Variants in ELP4 observed in about 807,000 individuals in gnomAD.
The protein encoded by ELP4 is elongator complex protein 4.
A neutral mutation model predicts 48.9 loss-of-function variants in ELP4; 51 were observed. The observed-to-expected ratio is 1.04, with a 90% CI of 0.83 to 1.32. The LOEUF (loss-of-function observed/expected upper bound fraction) is 1.32. Among genes scored for constraint, ELP4 ranks in the 40% most tolerant of loss-of-function variants. ELP4 has a pLI of 0.00. For synonymous variants in ELP4, 210 were observed against 189.2 expected (o/e 1.11, Z -0.90); for missense variants, 519 against 514.6 (o/e 1.01, Z -0.08).
chr11:31,606,949 G>A (rs573667195), intron 5 of ELP4, among the ~76,000 whole-genome samples: 16 of 152,282 alleles, frequency 1.1e-4, no homozygotes, highest in Non-Finnish European at 2.1e-4. Context: ...ATGATGTTTG[G>A]AGATGGGGCC....
chr11:31,723,050 A>G (rs1947001562), intron 9 of ELP4, among the ~76,000 whole-genome samples: 1 of 152,054 alleles, frequency 6.6e-6, no homozygotes, highest in African/African-American at 2.4e-5. Flanking sequence ...CAAGAAGCTT[A>G]CCCCTGCCCA....
At chr11:31,555,382 T>C (rs547925496) in intron 3 of ELP4, among the ~76,000 whole-genome samples, 1 of 152,228 alleles carries the variant, frequency 6.6e-6, no homozygotes, top group African/African-American at 2.4e-5. Flanking sequence ...GGTTTTGGAC[T>C]TAATACAGTC....
At chr11:31,742,167 G>C (rs1001105840) in intron 9 of ELP4, among the ~76,000 whole-genome samples, 1 of 152,124 alleles carries the variant, frequency 6.6e-6, no homozygotes, top group African/African-American at 2.4e-5. Flanking sequence ...TGAAATGAAT[G>C]AAATGAAGCG....
At chr11:31,573,486 A>G (rs1957218896) in intron 3 of ELP4, 1 of 152,168 alleles carries the variant, frequency 6.6e-6, no homozygotes, top group Non-Finnish European at 1.5e-5. Context: ...GAAGTCCAAG[A>G]TCAAGGTTTC....
intron 9 of ELP4, among the ~76,000 whole-genome samples, chr11:31,692,571 T>G (rs531947919): frequency 3.9e-5 from 6 of 152,300 alleles, no homozygotes; most frequent in African/African-American, 1.4e-4. Context: ...TTGACTCTAC[T>G]TCTTGCTCCA....
intron 3 of ELP4, among the ~76,000 whole-genome samples, chr11:31,563,231 A>G (rs907398390): frequency 2.0e-5 from 3 of 152,170 alleles, no homozygotes; most frequent in African/African-American, 7.2e-5. Context: ...CTGAATTGTA[A>G]AATAGCTTAG....
intron 9 of ELP4, among the ~76,000 whole-genome samples, chr11:31,746,883 TATA>T (rs751181055): frequency 1.2e-4 from 18 of 151,388 alleles, no homozygotes; most frequent in African/African-American, 3.4e-4. Flanking sequence ...AAACTTAAAG[TATA>T]ATAATAATAA....
At position 31,625,831 on chromosome 11, in the gene ELP4, G is replaced by C. The variant is rs185231082; in HGVS notation, c.654-1279G>C. ...TCTAGCAGGGATAGATGTGTGTTAA[G>C]ATATGAAATAGTCACAAAATTGCCC... On this transcript the variant is annotated intron_variant, in intron 5 of 9. Coordinates refer to ENST00000640961, the MANE Select transcript of ELP4 (RefSeq NM_019040.5). Among the ~76,000 whole-genome samples, 14 of 151,820 alleles carry C rather than the reference G, an allele frequency of 9.2e-5. 1 individual carries two copies. The East Asian group carries it at 2.7e-3, about 29-fold the overall frequency.
chr11:31,682,059 A>G, intron 9 of ELP4: 1 of 1,295,828 alleles, frequency 7.7e-7, no homozygotes, highest in South Asian at 1.2e-5. Flanking sequence ...TGTATTTCAA[A>G]GAGAACAAGT....
At chr11:31,587,384 G>A (rs1043876121) in intron 3 of ELP4, among the ~76,000 whole-genome samples, 7 of 152,192 alleles carry the variant, frequency 4.6e-5, no homozygotes, top group Admixed American at 3.9e-4. Context: ...ATTTGAGGGA[G>A]AGGAGTTAAG....
At chr11:31,539,625 G>C (rs373620778) in intron 2 of ELP4, 37 bp from the exon 3 acceptor site, 61 of 1,564,440 alleles carry the variant, frequency 3.9e-5, no homozygotes, top group Non-Finnish European at 5.1e-5. Context: ...TTCTTTTCTT[G>C]CTATATGTTT....
Position 31,510,024 on chromosome 11 carries a change from G to T in ELP4, c.223+17G>T. ...AGCTCTTAGGTCGGTTCAGAGCGGA[G>T]ATCTGGGCTCAGCCGAGGGGAAACT... On this transcript the variant is annotated intron_variant, in intron 1 of 9. Transcript: ENST00000640961. The T allele has an allele frequency of 1.9e-6, 3 of 1,601,978 alleles. No individual in the cohort carries two copies. In the South Asian group the frequency reaches 3.3e-5, roughly 18 times the overall value.
At chr11:31,680,646 T>C (rs952866125) in intron 9 of ELP4, among the ~76,000 whole-genome samples, 7 of 152,224 alleles carry the variant, frequency 4.6e-5, no homozygotes, top group African/African-American at 1.7e-4. Context: ...GTTTGACAAT[T>C]AAAATATGTT....
intron 9 of ELP4, among the ~76,000 whole-genome samples, chr11:31,699,156 G>T (rs1235672392): frequency 6.6e-6 from 1 of 152,106 alleles, no homozygotes; most frequent in African/African-American, 2.4e-5. Context: ...CCAAATATTG[G>T]TTTCTGAGTC....
At chr11:31,534,543 A>G (rs1956468651) in intron 2 of ELP4, among the ~76,000 whole-genome samples, 1 of 152,194 alleles carries the variant, frequency 6.6e-6, no homozygotes, top group Non-Finnish European at 1.5e-5. Context: ...AATATTATTC[A>G]GCCTTAAACA....
intron 9 of ELP4, chr11:31,767,971 A>C (rs1041894708): frequency 1.3e-5 from 2 of 152,158 alleles, no homozygotes; most frequent in Non-Finnish European, 2.9e-5. Flanking sequence ...GGGGAACTAG[A>C]TGTATCAAGC....
intron 9 of ELP4, among the ~76,000 whole-genome samples, chr11:31,679,189 C>T (rs1946003551): frequency 6.6e-6 from 1 of 152,046 alleles, no homozygotes; most frequent in African/African-American, 2.4e-5. Context: ...TATATTCATG[C>T]AACTATATTC....
At chr11:31,639,187 G>A (rs1466851717) in intron 7 of ELP4, among the ~76,000 whole-genome samples, 1 of 151,736 alleles carries the variant, frequency 6.6e-6, no homozygotes. Flanking sequence ...ATTCTTAACT[G>A]AGAATCTGCC....
At chr11:31,712,386 A>G (rs1946760378) in intron 9 of ELP4, among the ~76,000 whole-genome samples, 1 of 152,138 alleles carries the variant, frequency 6.6e-6, no homozygotes, top group South Asian at 2.1e-4. Flanking sequence ...TGTATTTAGT[A>G]AATGATCTCT....
Sources: gnomAD v4.1 joint callset for allele counts (sites outside exome capture counted in the v4.1 genomes callset) on GRCh38, gnomAD v4.1.1 for gene constraint, MANE v1.5 for transcripts, NCBI Gene and HGNC (gene_info 2026-07-23, HGNC 2026-07-21) for gene names.